Variants in GUCY1A2 observed in about 807,000 individuals in gnomAD.
GUCY1A2 encodes guanylate cyclase soluble subunit alpha-2.
In GUCY1A2, 27 loss-of-function variants were observed where a neutral mutation model predicts 63.5. The observed-to-expected ratio is 0.43, with a 90% CI of 0.31 to 0.59. The LOEUF is 0.59. Among genes scored for constraint, GUCY1A2 ranks in the 20% least tolerant of loss-of-function variants. The probability of loss-of-function intolerance (pLI) is 0.11; values close to 1 mark genes in which losing one functional copy is unlikely to be tolerated. For synonymous variants in GUCY1A2, 364 were observed against 343.5 expected (o/e 1.06, Z -0.66); for missense variants, 768 against 913.3 (o/e 0.84, Z 2.05).
chr11:106,822,281 C>T (rs992066162), intron 4 of GUCY1A2, among the ~76,000 whole-genome samples: 3 of 152,052 alleles, frequency 2.0e-5, no homozygotes, highest in African/African-American at 7.2e-5. Flanking sequence ...CTTTGCTTTG[C>T]TAAATATTAA....
intron 6 of GUCY1A2, among the ~76,000 whole-genome samples, chr11:106,722,108 G>T (rs986541098): frequency 5.3e-5 from 8 of 152,112 alleles, no homozygotes; most frequent in Non-Finnish European, 1.0e-4. Flanking sequence ...GAAATGCTAT[G>T]CCAGGCACAA....
intron 5 of GUCY1A2, among the ~76,000 whole-genome samples, chr11:106,804,689 A>G (rs2135420960): frequency 6.6e-6 from 1 of 152,148 alleles, no homozygotes; most frequent in East Asian, 1.9e-4. Flanking sequence ...TAGCCCTAAA[A>G]CTCTATGTCA....
intron 4 of GUCY1A2, among the ~76,000 whole-genome samples, chr11:106,879,049 G>T (rs1354740231): frequency 6.6e-6 from 1 of 151,986 alleles, no homozygotes; most frequent in Non-Finnish European, 1.5e-5. Flanking sequence ...CTCTACAAAG[G>T]CTTCTATGAC....
chr11:106,913,267 T>C (rs1449754755), intron 4 of GUCY1A2, among the ~76,000 whole-genome samples: 1 of 152,088 alleles, frequency 6.6e-6, no homozygotes, highest in South Asian at 2.1e-4. Context: ...AGAAAAGAGA[T>C]TTATTTGGCT....
At chr11:106,919,948 A>G (rs59052534) in intron 4 of GUCY1A2, among the ~76,000 whole-genome samples, 12,354 of 152,152 alleles carry the variant, frequency 0.081, 529 homozygotes, top group Middle Eastern at 0.15. Context: ...GATGTCCAAG[A>G]AAACATGTTA....
At chr11:106,967,882 A>G (rs1591347792) in intron 3 of GUCY1A2, among the ~76,000 whole-genome samples, 2 of 152,304 alleles carry the variant, frequency 1.3e-5, no homozygotes, top group Non-Finnish European at 2.9e-5. Flanking sequence ...AAAAGCAATG[A>G]ATGAAAGCAG....
intron 6 of GUCY1A2, among the ~76,000 whole-genome samples, chr11:106,761,629 T>C (rs749996779): frequency 6.6e-6 from 1 of 152,134 alleles, no homozygotes; most frequent in Non-Finnish European, 1.5e-5. Flanking sequence ...CACTAATAAC[T>C]TTCCCAGTGT....
chr11:106,778,347 T>C (rs1394136870), intron 5 of GUCY1A2, among the ~76,000 whole-genome samples: 1 of 152,244 alleles, frequency 6.6e-6, no homozygotes, highest in Non-Finnish European at 1.5e-5. Flanking sequence ...CACATCTTTC[T>C]GCTTTAACGT....
At chr11:106,889,777 G>A (rs1049244550) in intron 4 of GUCY1A2, among the ~76,000 whole-genome samples, 16 of 152,150 alleles carry the variant, frequency 1.1e-4, no homozygotes, top group Non-Finnish European at 1.9e-4. Flanking sequence ...CCAAAAAGGT[G>A]TCTAAAGAAA....
intron 4 of GUCY1A2, among the ~76,000 whole-genome samples, chr11:106,889,874 T>C (rs1859951211): frequency 6.6e-6 from 1 of 152,108 alleles, no homozygotes; most frequent in Non-Finnish European, 1.5e-5. Flanking sequence ...TTTCAGAGGG[T>C]TCTTTAATGC....
intron 5 of GUCY1A2, among the ~76,000 whole-genome samples, chr11:106,793,329 T>C (rs937705933): frequency 2.6e-5 from 4 of 152,014 alleles, no homozygotes; most frequent in African/African-American, 9.7e-5. Context: ...CCTTCTCTTA[T>C]GACATACAGA....
At position 106,988,455 on chromosome 11, in the gene GUCY1A2, T is replaced by G. The variant is rs77854699; in HGVS notation, c.304-2324A>C. 4.6e-3 allele frequency among the ~76,000 whole-genome samples: 696 copies of G among 152,286 alleles called. 2 individuals carry two copies. Among genetic ancestry groups the G allele is most frequent in the African/African-American group, 0.016 (673 of 41,556 alleles). On this transcript the variant is annotated intron_variant, in intron 1 of 7. Coordinates refer to ENST00000526355, the MANE Select transcript of GUCY1A2 (RefSeq NM_000855.3). ...GCCAGTTAAGACCAGAATGACCTCA[T>G]TTGTACAAAAGGACATTTTTTTTTC...
chr11:106,965,727 C>G (rs1382023020), intron 3 of GUCY1A2, among the ~76,000 whole-genome samples: 1 of 152,142 alleles, frequency 6.6e-6, no homozygotes, highest in African/African-American at 2.4e-5. Flanking sequence ...ACAGGCCTGG[C>G]ACATGGAGGT....
At chr11:106,961,697 A>G (rs1861059992) in intron 3 of GUCY1A2, among the ~76,000 whole-genome samples, 1 of 152,234 alleles carries the variant, frequency 6.6e-6, no homozygotes, top group South Asian at 2.1e-4. Flanking sequence ...TTCTCTTCTC[A>G]GCACATTCCT....
At chr11:106,961,352 A>T (rs1565344593) in intron 3 of GUCY1A2, among the ~76,000 whole-genome samples, 1 of 152,144 alleles carries the variant, frequency 6.6e-6, no homozygotes, top group Non-Finnish European at 1.5e-5. Flanking sequence ...ATAGCTTAAT[A>T]GGTAGACTTA....
chr11:106,946,003 A>G (rs955478905), intron 3 of GUCY1A2, among the ~76,000 whole-genome samples: 3 of 152,142 alleles, frequency 2.0e-5, no homozygotes, highest in African/African-American at 7.2e-5. Context: ...AGCTACTGAT[A>G]CATAGAAAAA....
At chr11:106,716,665 A>G (rs968961231) in intron 6 of GUCY1A2, among the ~76,000 whole-genome samples, 3 of 145,598 alleles carry the variant, frequency 2.1e-5, no homozygotes, top group Non-Finnish European at 3.0e-5. Context: ...GCTACTCAGG[A>G]GGCTGAGGCA....
chr11:106,724,185 A>T (rs1241752572), intron 6 of GUCY1A2, among the ~76,000 whole-genome samples: 1 of 152,226 alleles, frequency 6.6e-6, no homozygotes, highest in Non-Finnish European at 1.5e-5. Flanking sequence ...CCAGTAACAC[A>T]GCAAAAGGCC....
chr11:106,937,366 T>C (rs1344202892), intron 4 of GUCY1A2, among the ~76,000 whole-genome samples: 1 of 152,050 alleles, frequency 6.6e-6, no homozygotes. Flanking sequence ...ACAAATTAAA[T>C]AGAAATAGAA....
Sources: allele counts gnomAD v4.1 joint callset (sites outside exome capture counted in the v4.1 genomes callset), GRCh38; gene constraint gnomAD v4.1.1; transcripts MANE v1.5; gene names NCBI Gene and HGNC (gene_info 2026-07-23, HGNC 2026-07-21).